The following APLN variants were observed in gnomAD, a reference collection of about 807,000 sequenced individuals.
The protein encoded by APLN is apelin, also known as AGTRL1 ligand.
APLN carries 2 observed loss-of-function variants against 4.3 expected under a neutral mutation model. The ratio of observed to expected loss-of-function variants is 0.46; its 90% CI spans 0.19 to 1.45. The LOEUF (loss-of-function observed/expected upper bound fraction) is 1.45, where lower values mean the gene tolerates loss of function less well. Among genes scored for constraint, APLN ranks in the 40% most tolerant of loss-of-function variants. APLN has a pLI of 0.25. For missense variants in APLN, 80 were observed against 70.0 expected (o/e 1.14, Z -0.51); for synonymous variants, 34 against 30.4 (o/e 1.12, Z -0.38).
rs1324835686 is a variant in APLN at position 129,647,880 on chromosome X, T to A, written c.*43A>T. 2.0e-6 allele frequency: 2 copies of A among 980,810 alleles called. No individual in the cohort carries two copies. Among genetic ancestry groups the A allele is most frequent in the African/African-American group, 4.0e-5 (2 of 49,832 alleles). 80.8% of individuals were successfully genotyped at this position (980,810 alleles called of 1,213,427 possible). ...AGCAGACCAATCTATGGAGGAGACA[T>A]AACCGCCGGGGGTGGGCACTTGGGG... On this transcript the variant is annotated 3_prime_UTR_variant, in exon 3 of 3. Transcript: ENST00000429967.
rs1302389667 is a variant in APLN at position 129,647,035 on chromosome X, C to A, written c.*888G>T. 1 of 116,553 alleles carries A rather than the reference C, an allele frequency of 8.6e-6. No individual in the cohort carries two copies. Among genetic ancestry groups the A allele is most frequent in the East Asian group, 2.7e-4 (1 of 3,727 alleles). The allele number at this position is 116,553 out of a possible 1,213,427, so 9.6% of individuals were successfully genotyped here. A position where few individuals can be genotyped will look rare whatever the true frequency, so the allele number is the denominator to read the frequency against. On this transcript the variant is annotated 3_prime_UTR_variant, in exon 3 of 3. Transcript: ENST00000429967. ...GCAATGACTCTGAGCAGGTCACTCC[C>A]CTCTCCAGGCTTCTGTTTTGCAGGC...
At chrX:129,651,113 A>G (rs1232416582) in intron 1 of APLN, among the ~76,000 whole-genome samples, 3 of 102,204 alleles carry the variant, frequency 2.9e-5, no homozygotes, top group Non-Finnish European at 5.7e-5. Flanking sequence ...GCTAGAGGCC[A>G]TATGTCAGGA....
chrX:129,647,782 G>C lies in APLN; in HGVS notation c.*141C>G, dbSNP rs749915129. The stretch of plus-strand genomic sequence containing the variant: ...ACGCCACTGGGGGAAGCAGGCAGGT[G>C]AGAAGAGCTGGGCCCACTGGTGGCT... On this transcript the variant is annotated 3_prime_UTR_variant, in exon 3 of 3. Transcript: ENST00000429967. The C allele has an allele frequency of 1.0e-6, 1 of 983,202 alleles. No individual in the cohort carries two copies. The highest frequency in any genetic ancestry group is 2.0e-5 in the African/African-American group (1 of 50,693). 81.0% of individuals were successfully genotyped at this position (983,202 alleles called of 1,213,427 possible). A position where few individuals can be genotyped will look rare whatever the true frequency, so the allele number is the denominator to read the frequency against.
chrX:129,654,620 C>T lies in APLN; in HGVS notation c.11G>A (p.Arg4Gln). MNL[R>Q]LCVQALLLLW... ...CAGCAGGAGCGCCTGCACGCAGAGC[C>T]GCAGATTCATGCTGCTCCTTGGGCC... Residue 4 changes from arginine to glutamine, a missense_variant, in exon 1 of 3, where the codon CGG becomes CAG. Transcript: ENST00000429967. The T allele has an allele frequency of 8.7e-7, 1 of 1,148,697 alleles. No homozygotes were observed. The highest frequency in any genetic ancestry group is 1.2e-6 in the Non-Finnish European group (1 of 866,865). The allele number at this position is 1,148,697 out of a possible 1,213,427, so 94.7% of individuals were successfully genotyped here.
At position 129,646,747 on chromosome X, in the gene APLN, A is replaced by C. The variant is rs1221486998; in HGVS notation, c.*1176T>G. On this transcript the variant is annotated 3_prime_UTR_variant, in exon 3 of 3. Transcript: ENST00000429967. The stretch of plus-strand genomic sequence containing the variant: ...CCTGGGTCTGGGAATGCTGCCAGTT[A>C]TGGGGGCAGCTGGCCAGTTATGGAA... 1 of 111,957 alleles carries C rather than the reference A, an allele frequency of 8.9e-6. No homozygotes were observed. Among genetic ancestry groups the C allele is most frequent in the Non-Finnish European group, 1.9e-5 (1 of 53,060 alleles). 9.2% of individuals were successfully genotyped at this position (111,957 alleles called of 1,213,427 possible).
Position 129,654,490 on chromosome X carries a change from G to A in APLN, c.67+74C>T, listed in dbSNP as rs1602854624. The A allele has an allele frequency of 1.2e-5, 12 of 1,021,951 alleles. No individual in the cohort carries two copies. The East Asian group carries it at 4.4e-4, about 38-fold the overall frequency. The allele number at this position is 1,021,951 out of a possible 1,213,427, so 84.2% of individuals were successfully genotyped here. A position where few individuals can be genotyped will look rare whatever the true frequency, so the allele number is the denominator to read the frequency against. The stretch of plus-strand genomic sequence containing the variant: ...TCGCGCCGGGCTCCCCGGGAGGCGG[G>A]GAGAGTGCGAATAGGGCGGAGGGAA... On this transcript the variant is annotated intron_variant, in intron 1 of 2. Transcript: ENST00000429967.
chrX:129,651,210 C>G (rs1936976985), intron 1 of APLN, among the ~76,000 whole-genome samples: 2 of 111,034 alleles, frequency 1.8e-5, no homozygotes, highest in African/African-American at 6.6e-5. Flanking sequence ...ACTGAACCCC[C>G]AGCCGGGCCC....
chrX:129,647,595 G>C lies in APLN; in HGVS notation c.*328C>G. 5 of 970,179 alleles carry C rather than the reference G, an allele frequency of 5.2e-6. No homozygotes were observed. The highest frequency in any genetic ancestry group is 6.7e-6 in the Non-Finnish European group (5 of 748,149). The allele number at this position is 970,179 out of a possible 1,213,427, so 80.0% of individuals were successfully genotyped here. A position where few individuals can be genotyped will look rare whatever the true frequency, so the allele number is the denominator to read the frequency against. On this transcript the variant is annotated 3_prime_UTR_variant, in exon 3 of 3. Transcript: ENST00000429967. ...AAGGAAGGCCCAAATGAAGGTTTGG[G>C]GCGTTAGATGAGACAGGCAGGGACT...
In APLN at chrX:129,648,615, A is replaced by T. The variant is rs1470503303; in HGVS notation, c.*5+6T>A. 2.5e-6 allele frequency: 3 copies of T among 1,205,856 alleles called. No homozygotes were observed. The highest frequency in any genetic ancestry group is 3.4e-6 in the Non-Finnish European group (3 of 892,679). On this transcript the variant is annotated splice_donor_region_variant and intron_variant, in intron 2 of 2. Transcript: ENST00000429967. ...AGCACTGTCCACTGAACAGAGGCTC[A>T]AGTACCTGCTTCAGAAAGGCATGGG...
At position 129,647,444 on chromosome X, in the gene APLN, C is replaced by T. The variant is rs1355455818; in HGVS notation, c.*479G>A. On this transcript the variant is annotated 3_prime_UTR_variant, in exon 3 of 3. Coordinates refer to ENST00000429967, the MANE Select transcript of APLN (RefSeq NM_017413.5). ...AGCCAGCACCTCTTAACTAGAGTCT[C>T]TCCTTGCTTTTCTCTGCATTCTTCC... 3.0e-6 allele frequency: 1 copy of T among 335,905 alleles called. No homozygotes were observed. Among genetic ancestry groups the T allele is most frequent in the Non-Finnish European group, 4.8e-6 (1 of 208,350 alleles). 27.7% of individuals were successfully genotyped at this position (335,905 alleles called of 1,213,427 possible).
chrX:129,654,893 T>G lies in APLN; in HGVS notation c.-263A>C. 6.2e-6 allele frequency: 1 copy of G among 160,445 alleles called. No individual in the cohort carries two copies. 13.2% of individuals were successfully genotyped at this position (160,445 alleles called of 1,213,427 possible). A position where few individuals can be genotyped will look rare whatever the true frequency, so the allele number is the denominator to read the frequency against. Reference sequence around the variant, plus strand: ...GGAGCGGCAGCGGCGAGCTCTTTCTTAGCGGCTGGCTGCTCGGCCGCGGCT... The same window carrying G: ...GGAGCGGCAGCGGCGAGCTCTTTCTGAGCGGCTGGCTGCTCGGCCGCGGCT... On this transcript the variant is annotated 5_prime_UTR_variant, in exon 1 of 3. Coordinates refer to ENST00000429967, the MANE Select transcript of APLN (RefSeq NM_017413.5).
rs1387622150 is a variant in APLN, at chrX:129,647,865, T to C, written c.*58A>G. The stretch of plus-strand genomic sequence containing the variant: ...TGAGGCCTCCAGAGAAGCAGACCAA[T>C]CTATGGAGGAGACATAACCGCCGGG... On this transcript the variant is annotated 3_prime_UTR_variant, in exon 3 of 3. Coordinates refer to ENST00000429967, the MANE Select transcript of APLN (RefSeq NM_017413.5). 1 of 980,872 alleles carries C rather than the reference T, an allele frequency of 1.0e-6. No individual in the cohort carries two copies. The highest frequency in any genetic ancestry group is 1.3e-6 in the Non-Finnish European group (1 of 755,697). The allele number at this position is 980,872 out of a possible 1,213,427, so 80.8% of individuals were successfully genotyped here. A position where few individuals can be genotyped will look rare whatever the true frequency, so the allele number is the denominator to read the frequency against.
intron 1 of APLN, among the ~76,000 whole-genome samples, chrX:129,651,734 G>C (rs1805124696): frequency 8.9e-6 from 1 of 112,244 alleles, no homozygotes; most frequent in Non-Finnish European, 1.9e-5. Context: ...CGACTTTTCA[G>C]GAACATGCCA....
At chrX:129,649,470 C>T (rs1042935933) in intron 1 of APLN, among the ~76,000 whole-genome samples, 2 of 111,341 alleles carry the variant, frequency 1.8e-5, no homozygotes, top group African/African-American at 3.3e-5. Context: ...CTGGGCCAGG[C>T]GGGTTAAGGG....
chrX:129,650,552 G>A (rs764816531), intron 1 of APLN, among the ~76,000 whole-genome samples: 6 of 111,825 alleles, frequency 5.4e-5, no homozygotes, highest in South Asian at 3.7e-4. Context: ...TGAGGACCCC[G>A]CTGTTGACTT....
chrX:129,654,483 G>A, intron 1 of APLN, 81 bp downstream of exon 1: 1 of 950,647 alleles, frequency 1.1e-6, no homozygotes, highest in Non-Finnish European at 1.4e-6. Context: ...GGCTCCCCGG[G>A]AGGCGGGGAG....
chrX:129,652,147 A>T (rs988394293), intron 1 of APLN, among the ~76,000 whole-genome samples: 1 of 111,114 alleles, frequency 9.0e-6, no homozygotes, highest in Non-Finnish European at 1.9e-5. Flanking sequence ...GCAGGCTTTG[A>T]GCTGGGCCTG....
intron 1 of APLN, among the ~76,000 whole-genome samples, chrX:129,649,624 C>T (rs1369260950): frequency 8.9e-6 from 1 of 111,773 alleles, no homozygotes. Context: ...GTCTGTGCAC[C>T]AGGAGGGGGG....
At position 129,647,846 on chromosome X, in the gene APLN, C is replaced by A. The variant is rs1025549895; in HGVS notation, c.*77G>T. The A allele has an allele frequency of 2.0e-5, 20 of 983,136 alleles. No individual in the cohort carries two copies. Among genetic ancestry groups the A allele is most frequent in the Non-Finnish European group, 2.6e-5 (20 of 756,141 alleles). The allele number at this position is 983,136 out of a possible 1,213,427, so 81.0% of individuals were successfully genotyped here. On this transcript the variant is annotated 3_prime_UTR_variant, in exon 3 of 3. Transcript: ENST00000429967. ...GGTGAGAGCTGAATGGACGTGAGGC[C>A]TCCAGAGAAGCAGACCAATCTATGG...
Sources: gnomAD v4.1 joint callset for allele counts (sites outside exome capture counted in the v4.1 genomes callset) on GRCh38, gnomAD v4.1.1 for gene constraint, MANE v1.5 for transcripts, NCBI Gene and HGNC (gene_info 2026-07-23, HGNC 2026-07-21) for gene names.